Variants in OR6C76 observed in about 807,000 individuals in gnomAD.
OR6C76 encodes olfactory receptor family 6 subfamily C member 76, also known as olfactory receptor 6C76.
For missense variants in OR6C76, 352 were observed against 357.3 expected (o/e 0.99, Z 0.12); for synonymous variants, 140 against 137.8 (o/e 1.02, Z -0.11).
At position 55,426,429 on chromosome 12, in the gene OR6C76, T is replaced by A; in HGVS notation, c.176T>A (p.Phe59Tyr). The A allele has an allele frequency of 6.2e-7, 1 of 1,613,872 alleles. No individual in the cohort carries two copies. Among genetic ancestry groups the A allele is most frequent in the Non-Finnish European group, 8.5e-7 (1 of 1,179,844 alleles). Residue 59 changes from phenylalanine (F) to tyrosine (Y), a missense_variant, in exon 1 of 1, where the codon TTC becomes TAC. By Grantham distance (22) the Phe-to-Tyr change is conservative. Coordinates refer to ENST00000328314, the MANE Select transcript of OR6C76 (RefSeq NM_001005183.1). ...LDSHLKTPMY[F>Y]FLRNFSLEIS... ...TCCCACCTGAAGACCCCCATGTATT[T>A]CTTCCTCAGGAATTTCTCCTTGGAA...
At position 55,426,824 on chromosome 12, in the gene OR6C76, AC is replaced by A. The variant is rs745373859; in HGVS notation, c.572del (p.Thr191IlefsTer2). 2 of 1,613,408 alleles carry A rather than the reference AC, an allele frequency of 1.2e-6. No individual in the cohort carries two copies. Among genetic ancestry groups the A allele is most frequent in the Non-Finnish European group, 1.7e-6 (2 of 1,179,748 alleles). On this transcript the variant is annotated frameshift_variant, in exon 1 of 1. Transcript: ENST00000328314. LOFTEE classifies it low-confidence loss of function (END_TRUNC). ...GCAAATCTCTTGCACAGACACAAGT[AC>A]TCTAGAGCTCATGAGCTTTATTTTA... The part of the protein sequence containing the change: ...LLQISCTDTS[T>X]LELMSFILAL...
At position 55,426,373 on chromosome 12, in the gene OR6C76, T is replaced by C. The variant is rs931545614; in HGVS notation, c.120T>C (p.Asn40=). The C allele has an allele frequency of 1.9e-6, 3 of 1,613,598 alleles. No homozygotes were observed. The highest frequency in any genetic ancestry group is 2.5e-6 in the Non-Finnish European group (3 of 1,179,704). ...FLTYVLSVTG[N]LTIISLTLLD... ...CGTATGTACTGAGTGTTACTGGAAA[T>C]CTAACTATCATCTCCCTTACCCTGC... The change falls in exon 1 of 1, where the codon AAT becomes AAC. Residue 40 remains asparagine (N), a synonymous_variant. Transcript: ENST00000328314.
rs755973753 is a variant in OR6C76, at chr12:55,426,955, C to G, written c.702C>G (p.Ala234=). Residue 234 remains alanine (A), a synonymous_variant, in exon 1 of 1, where the codon GCC becomes GCG. Transcript: ENST00000328314. ...CCTCAGCACAGCAAAGAAAAAAAGC[C>G]TTTTCAACCTGCTCCTCACATGTGA... The part of the protein sequence containing the change: ...RIPSAQQRKK[A]FSTCSSHVIV... 6.2e-7 allele frequency: 1 copy of G among 1,613,492 alleles called. No individual in the cohort carries two copies. The highest frequency in any genetic ancestry group is 1.1e-5 in the South Asian group (1 of 91,056).
chr12:55,427,165 G>T lies in OR6C76; in HGVS notation c.912G>T (p.Lys304Asn). 6.6e-7 allele frequency: 1 copy of T among 1,504,520 alleles called. No homozygotes were observed. The allele number at this position is 1,504,520 out of a possible 1,614,324, so 93.2% of individuals were successfully genotyped here. Residue 304 changes from lysine to asparagine, a missense_variant, in exon 1 of 1, where the codon AAG becomes AAT. Coordinates refer to ENST00000328314, the MANE Select transcript of OR6C76 (RefSeq NM_001005183.1). The part of the protein sequence containing the change: ...VKQAFKDVLR[K>N]ISHKKKKH ...AAGCATTTAAGGATGTTCTGAGAAA[G>T]ATTTCCCACAAAAAAAAAAAACACT...
Position 55,426,699 on chromosome 12 carries a change from GTTTCT to G in OR6C76, c.448_452del (p.Phe150GlyfsTer16), listed in dbSNP as rs753586094. On this transcript the variant is annotated frameshift_variant, in exon 1 of 1. Transcript: ENST00000328314. LOFTEE classifies it low-confidence loss of function (END_TRUNC). ...CTTATAATCAGCTCTTGGCTGGCTG[GTTTCT>G]TGGTAATTTTTCCACCACTGGCCAT... 1 of 1,613,482 alleles carries G rather than the reference GTTTCT, an allele frequency of 6.2e-7. No homozygotes were observed. Among genetic ancestry groups the G allele is most frequent in the South Asian group, 1.1e-5 (1 of 91,066 alleles).
rs374105104 is a variant in OR6C76, at chr12:55,426,318, A to G, written c.65A>G (p.Gln22Arg). The change falls in exon 1 of 1, where the codon CAG becomes CGG. Residue 22 changes from glutamine (Q) to arginine (R), a missense_variant. Gln to Arg is a conservative substitution (Grantham distance 43). Coordinates refer to ENST00000328314, the MANE Select transcript of OR6C76 (RefSeq NM_001005183.1). ...GGTCTGACGGATAATCCGCAACTGCAGGTTGTGATTTTCTCGTTCCTATTT... is the reference window on the plus strand; with the variant it reads ...GGTCTGACGGATAATCCGCAACTGCGGGTTGTGATTTTCTCGTTCCTATTT... ...LLGLTDNPQL[Q>R]VVIFSFLFLT... The G allele has an allele frequency of 6.2e-7, 1 of 1,613,194 alleles. No homozygotes were observed. The highest frequency in any genetic ancestry group is 8.5e-7 in the Non-Finnish European group (1 of 1,179,516).
chr12:55,426,553 C>T lies in OR6C76; in HGVS notation c.300C>T (p.Phe100=). 9 of 1,613,830 alleles carry T rather than the reference C, an allele frequency of 5.6e-6. No individual in the cohort carries two copies. Among genetic ancestry groups the T allele is most frequent in the Non-Finnish European group, 7.6e-6 (9 of 1,179,838 alleles). ...SYNACAAQLF[F]FIFLGSTEFF... is the part of the protein sequence containing the mutation. ...ATGCTTGTGCAGCTCAGCTATTTTT[C>T]TTTATCTTCCTTGGCTCAACGGAGT... Residue 100 remains phenylalanine (F), a synonymous_variant, in exon 1 of 1, where the codon TTC becomes TTT. Coordinates refer to ENST00000328314, the MANE Select transcript of OR6C76 (RefSeq NM_001005183.1).
In OR6C76 at chr12:55,426,645, C is replaced by T; in HGVS notation, c.392C>T (p.Thr131Ile). Residue 131 changes from threonine to isoleucine, a missense_variant, in exon 1 of 1, where the codon ACC (threonine) becomes ATC (isoleucine). Thr to Ile is a moderately conservative substitution (Grantham distance 89, BLOSUM62 -1). Transcript: ENST00000328314. ...VAICKPLHYTTIMSDRICYQL... is the reference protein window; with the variant it reads ...VAICKPLHYTIIMSDRICYQL... ...ATATGTAAGCCTCTGCATTATACAA[C>T]CATCATGAGTGACAGGATCTGTTAT... 6.2e-7 allele frequency: 1 copy of T among 1,613,730 alleles called. No homozygotes were observed. Among genetic ancestry groups the T allele is most frequent in the Non-Finnish European group, 8.5e-7 (1 of 1,179,796 alleles).
In OR6C76 at chr12:55,426,525, A is replaced by G. The variant is rs376985113; in HGVS notation, c.272A>G (p.Tyr91Cys). The change falls in exon 1 of 1, where the codon TAT becomes TGT. Residue 91 changes from tyrosine to cysteine, a missense_variant. Tyr to Cys is a radical substitution (Grantham distance 194, BLOSUM62 -2). Coordinates refer to ENST00000328314, the MANE Select transcript of OR6C76 (RefSeq NM_001005183.1). ...CTAACAGGGGACAAATCCATATCTT[A>G]TAATGCTTGTGCAGCTCAGCTATTT... Reference protein sequence around the residue: ...SILTGDKSISYNACAAQLFFF... With the variant: ...SILTGDKSISCNACAAQLFFF... 2 of 1,613,738 alleles carry G rather than the reference A, an allele frequency of 1.2e-6. No homozygotes were observed. The highest frequency in any genetic ancestry group is 1.3e-5 in the African/African-American group (1 of 74,882).
At position 55,427,105 on chromosome 12, in the gene OR6C76, A is replaced by C; in HGVS notation, c.852A>C (p.Pro284=). The C allele has an allele frequency of 1.2e-6, 2 of 1,612,140 alleles. No individual in the cohort carries two copies. Among genetic ancestry groups the C allele is most frequent in the Non-Finnish European group, 8.5e-7 (1 of 1,179,096 alleles). The change falls in exon 1 of 1, where the codon CCA becomes CCC. Residue 284 remains proline, a synonymous_variant. Transcript: ENST00000328314. The part of the protein sequence containing the change: ...LNTSVAPMLN[P]FIYTLRNQQV... ...CCTCTGTCGCTCCTATGCTGAATCC[A>C]TTTATTTACACTCTAAGAAACCAGC...
In OR6C76 at chr12:55,426,884, GT is replaced by G; in HGVS notation, c.632del (p.Val211GlufsTer13). 1.9e-6 allele frequency: 3 copies of G among 1,613,258 alleles called. No individual in the cohort carries two copies. Among genetic ancestry groups the G allele is most frequent in the Non-Finnish European group, 2.5e-6 (3 of 1,179,660 alleles). ...TACTCTTATATCCACTTTGATATTA[GT>G]AATTCTCTCCTATACTTACATCATC... ...LFTLISTLIL[V>X]ILSYTYIIRT... On this transcript the variant is annotated frameshift_variant, in exon 1 of 1. Coordinates refer to ENST00000328314, the MANE Select transcript of OR6C76 (RefSeq NM_001005183.1). LOFTEE classifies it low-confidence loss of function (END_TRUNC).
Position 55,427,089 on chromosome 12 carries a change from C to G in OR6C76, c.836C>G (p.Ala279Gly). Residue 279 changes from alanine to glycine, a missense_variant, in exon 1 of 1, where the codon GCT (alanine) becomes GGT (glycine). Physicochemically the swap from Ala to Gly is moderately conservative, Grantham distance 60. Coordinates refer to ENST00000328314, the MANE Select transcript of OR6C76 (RefSeq NM_001005183.1). ...KGVAILNTSV[A>G]PMLNPFIYTL... ...GTAGCTATACTCAATACCTCTGTCG[C>G]TCCTATGCTGAATCCATTTATTTAC... 6.2e-7 allele frequency: 1 copy of G among 1,612,778 alleles called. No homozygotes were observed.
In OR6C76 at chr12:55,426,898, T is replaced by C. The variant is rs1225973925; in HGVS notation, c.645T>C (p.Tyr215=). Reference sequence around the variant, plus strand: ...CTTTGATATTAGTAATTCTCTCCTATACTTACATCATCAGAACTATTCTGA... The same window carrying C: ...CTTTGATATTAGTAATTCTCTCCTACACTTACATCATCAGAACTATTCTGA... ...ISTLILVILS[Y]TYIIRTILRI... Residue 215 remains tyrosine (Y), a synonymous_variant, in exon 1 of 1, where the codon TAT becomes TAC. Transcript: ENST00000328314. 1.2e-6 allele frequency: 2 copies of C among 1,613,404 alleles called. No homozygotes were observed. The highest frequency in any genetic ancestry group is 1.7e-6 in the Non-Finnish European group (2 of 1,179,732).
chr12:55,426,868 A>T lies in OR6C76; in HGVS notation c.615A>T (p.Ile205=), dbSNP rs1358354777. 1 of 1,613,254 alleles carries T rather than the reference A, an allele frequency of 6.2e-7. No homozygotes were observed. Among genetic ancestry groups the T allele is most frequent in the South Asian group, 1.1e-5 (1 of 91,042 alleles). The change falls in exon 1 of 1, where the codon ATA becomes ATT. Residue 205 remains isoleucine (I), a synonymous_variant. Coordinates refer to ENST00000328314, the MANE Select transcript of OR6C76 (RefSeq NM_001005183.1). The part of the protein sequence containing the change: ...MSFILALFTL[I]STLILVILSY... ...TTATTTTAGCTCTGTTTACTCTTAT[A>T]TCCACTTTGATATTAGTAATTCTCT...
Position 55,426,866 on chromosome 12 carries a change from A to G in OR6C76, c.613A>G (p.Ile205Val), listed in dbSNP as rs768250237. The change falls in exon 1 of 1, where the codon ATA becomes GTA. Residue 205 changes from isoleucine (I) to valine (V), a missense_variant. Physicochemically the swap from Ile to Val is conservative, Grantham distance 29 (BLOSUM62 3). Transcript: ENST00000328314. ...CTTTATTTTAGCTCTGTTTACTCTT[A>G]TATCCACTTTGATATTAGTAATTCT... Reference protein sequence around the residue: ...MSFILALFTLISTLILVILSY... With the variant: ...MSFILALFTLVSTLILVILSY... The G allele has an allele frequency of 8.1e-6, 13 of 1,613,188 alleles. No homozygotes were observed. In the South Asian group the frequency reaches 8.8e-5, roughly 11 times the overall value.
In OR6C76 at chr12:55,426,383, A is replaced by T. The variant is rs762814406; in HGVS notation, c.130A>T (p.Ile44Phe). Residue 44 changes from isoleucine (I) to phenylalanine (F), a missense_variant, in exon 1 of 1, where the codon ATC becomes TTC. Transcript: ENST00000328314. Reference protein sequence around the residue: ...VLSVTGNLTIISLTLLDSHLK... With the variant: ...VLSVTGNLTIFSLTLLDSHLK... The stretch of plus-strand genomic sequence containing the variant: ...GAGTGTTACTGGAAATCTAACTATC[A>T]TCTCCCTTACCCTGCTGGATTCCCA... 6 of 1,613,666 alleles carry T rather than the reference A, an allele frequency of 3.7e-6. No homozygotes were observed. Among genetic ancestry groups the T allele is most frequent in the Non-Finnish European group, 5.1e-6 (6 of 1,179,730 alleles).
Position 55,427,159 on chromosome 12 carries a change from G to C in OR6C76, c.906G>C (p.Leu302=). The C allele has an allele frequency of 6.5e-7, 1 of 1,531,552 alleles. No individual in the cohort carries two copies. The highest frequency in any genetic ancestry group is 8.8e-7 in the Non-Finnish European group (1 of 1,140,194). The allele number at this position is 1,531,552 out of a possible 1,614,324, so 94.9% of individuals were successfully genotyped here. The change falls in exon 1 of 1, where the codon CTG becomes CTC. Residue 302 remains leucine (L), a synonymous_variant. Transcript: ENST00000328314. ...TGAAACAAGCATTTAAGGATGTTCT[G>C]AGAAAGATTTCCCACAAAAAAAAAA... ...QQVKQAFKDV[L]RKISHKKKKH
chr12:55,426,300 C>A lies in OR6C76; in HGVS notation c.47C>A (p.Thr16Lys), dbSNP rs201414968. 8.7e-6 allele frequency: 14 copies of A among 1,611,852 alleles called. 1 individual carries two copies. In the Middle Eastern group the frequency reaches 4.9e-4, roughly 57 times the overall value. ...ACAGATTTCATCCTTCTGGGTCTGA[C>A]GGATAATCCGCAACTGCAGGTTGTG... ...SVTDFILLGLTDNPQLQVVIF... is the reference protein window; with the variant it reads ...SVTDFILLGLKDNPQLQVVIF... Residue 16 changes from threonine (T) to lysine (K), a missense_variant, in exon 1 of 1, where the codon ACG becomes AAG. By Grantham distance (78) the Thr-to-Lys change is moderately conservative. Transcript: ENST00000328314.
In OR6C76 at chr12:55,426,273, T is replaced by G; in HGVS notation, c.20T>G (p.Val7Gly). 6.3e-7 allele frequency: 1 copy of G among 1,598,650 alleles called. No individual in the cohort carries two copies. Among genetic ancestry groups the G allele is most frequent in the Non-Finnish European group, 8.5e-7 (1 of 1,172,802 alleles). Reference sequence around the variant, plus strand: ...TCAGAAATGAAAAATAGAACATCAGTGACAGATTTCATCCTTCTGGGTCTG... The same window carrying G: ...TCAGAAATGAAAAATAGAACATCAGGGACAGATTTCATCCTTCTGGGTCTG... MKNRTS[V>G]TDFILLGLTD... The change falls in exon 1 of 1, where the codon GTG becomes GGG. Residue 7 changes from valine to glycine, a missense_variant. Physicochemically the swap from Val to Gly is moderately radical, Grantham distance 109 (BLOSUM62 -3). Transcript: ENST00000328314.
Sources: gnomAD v4.1 joint callset for allele counts on GRCh38, gnomAD v4.1.1 for gene constraint, MANE v1.5 for transcripts, NCBI Gene and HGNC (gene_info 2026-07-23, HGNC 2026-07-21) for gene names.